KCNN2: variants seen among roughly 807,000 people sequenced by gnomAD.
KCNN2 encodes the protein small conductance calcium-activated potassium channel protein 2.
In KCNN2, 24 loss-of-function variants were observed where a neutral mutation model predicts 55.5. The ratio of observed to expected loss-of-function variants is 0.43; its 90% CI spans 0.31 to 0.61. KCNN2 has a LOEUF of 0.61. Ranked by LOEUF, KCNN2 falls within the 20% of genes least tolerant of loss-of-function variation. The probability of loss-of-function intolerance (pLI) is 0.08; values close to 1 mark genes in which losing one functional copy is unlikely to be tolerated. For synonymous variants in KCNN2, 431 were observed against 336.1 expected (o/e 1.28, Z -3.09); for missense variants, 754 against 853.6 (o/e 0.88, Z 1.45).
chr5:114,440,384 A>G (rs1760162412), intron 3 of KCNN2, among the ~76,000 whole-genome samples: 1 of 152,236 alleles, frequency 6.6e-6, no homozygotes, highest in Non-Finnish European at 1.5e-5. Context: ...AAGTGAGAGT[A>G]TGTACCACCA....
chr5:114,336,076 T>G (rs1296120773), intron 2 of KCNN2, among the ~76,000 whole-genome samples: 1 of 152,160 alleles, frequency 6.6e-6, no homozygotes, highest in Admixed American at 6.5e-5. Flanking sequence ...ATTGATGTGG[T>G]TCAAAGCTAA....
chr5:114,220,488 C>G (rs1167062604), intron 1 of KCNN2, among the ~76,000 whole-genome samples: 1 of 151,640 alleles, frequency 6.6e-6, no homozygotes, highest in Admixed American at 6.6e-5. Flanking sequence ...AGCAGTTTTT[C>G]AAAAACTATT....
chr5:114,119,458 T>C (rs925900788), intron 1 of KCNN2, among the ~76,000 whole-genome samples: 3 of 152,310 alleles, frequency 2.0e-5, no homozygotes, highest in Admixed American at 6.5e-5. Context: ...TGCACACCAG[T>C]TTTCTAATCT....
intron 1 of KCNN2, among the ~76,000 whole-genome samples, chr5:114,211,368 C>G (rs181427151): frequency 6.6e-6 from 1 of 152,154 alleles, no homozygotes; most frequent in African/African-American, 2.4e-5. Context: ...CACCATGAAA[C>G]GCTATGCAGC....
chr5:114,208,768 T>A (rs1468898444), intron 1 of KCNN2, among the ~76,000 whole-genome samples: 2 of 152,198 alleles, frequency 1.3e-5, no homozygotes, highest in African/African-American at 4.8e-5. Context: ...GGCACCTGAC[T>A]CAGAGTCAAT....
Position 114,407,766 on chromosome 5 carries a change from C to G in KCNN2, c.1637+2910C>G, listed in dbSNP as rs193181676. On this transcript the variant is annotated intron_variant, in intron 3 of 7. Coordinates refer to ENST00000673685, the MANE Select transcript of KCNN2 (RefSeq NM_021614.4). ...TGACAGCGTCTTGGGAATTGAAACA[C>G]AGGGCAAAGAAGAGGTCTCAACAGT... Among the ~76,000 whole-genome samples, 482 of 152,314 alleles carry G rather than the reference C, an allele frequency of 3.2e-3. 2 individuals are homozygous for G. Among genetic ancestry groups the G allele is most frequent in the African/African-American group, 0.01 (430 of 41,558 alleles).
chr5:114,339,375 A>G (rs1756977475), intron 2 of KCNN2, among the ~76,000 whole-genome samples: 1 of 152,232 alleles, frequency 6.6e-6, no homozygotes, highest in African/African-American at 2.4e-5. Flanking sequence ...GCAAACTGGT[A>G]TTATTAGATG....
intron 3 of KCNN2, among the ~76,000 whole-genome samples, chr5:114,421,506 G>A (rs1356219652): frequency 6.6e-6 from 1 of 151,618 alleles, no homozygotes; most frequent in Non-Finnish European, 1.5e-5. Context: ...GGCCACGCTG[G>A]TCTCGAACTC....
At chr5:114,461,012 A>G (rs992598025) in intron 3 of KCNN2, among the ~76,000 whole-genome samples, 5 of 152,180 alleles carry the variant, frequency 3.3e-5, no homozygotes, top group Non-Finnish European at 7.3e-5. Context: ...TACTTACTAG[A>G]GAGCCCCAAT....
chr5:114,426,018 A>C (rs1580819941), intron 3 of KCNN2, among the ~76,000 whole-genome samples: 1 of 106,394 alleles, frequency 9.4e-6, no homozygotes, highest in African/African-American at 4.0e-5. Flanking sequence ...CATCTCTACC[A>C]AAAAAAAAAA....
intron 1 of KCNN2, among the ~76,000 whole-genome samples, chr5:114,175,561 A>T (rs981329494): frequency 1.3e-5 from 2 of 152,140 alleles, no homozygotes; most frequent in Admixed American, 1.3e-4. Context: ...TATGCTGAAG[A>T]TCCTGAAAAA....
At chr5:114,156,355 G>T (rs1320842011) in intron 1 of KCNN2, among the ~76,000 whole-genome samples, 1 of 152,112 alleles carries the variant, frequency 6.6e-6, no homozygotes. Flanking sequence ...GCCTTGCCTT[G>T]ACTATATGGG....
intron 1 of KCNN2, among the ~76,000 whole-genome samples, chr5:114,174,532 G>C (rs1423236758): frequency 6.6e-6 from 1 of 152,072 alleles, no homozygotes; most frequent in Non-Finnish European, 1.5e-5. Flanking sequence ...TGCCTGAAAT[G>C]GAAGATCCTC....
intron 1 of KCNN2, among the ~76,000 whole-genome samples, chr5:114,216,665 A>C (rs4612057): frequency 0.98 from 148,400 of 152,154 alleles, 72,509 homozygotes; most frequent in Middle Eastern, 1. Flanking sequence ...ACGAAAACCC[A>C]CCAGCTACCA....
intron 6 of KCNN2, among the ~76,000 whole-genome samples, chr5:114,488,683 G>A (rs1747697909): frequency 6.6e-6 from 1 of 151,972 alleles, no homozygotes; most frequent in African/African-American, 2.4e-5. Context: ...ATTTTCCTGT[G>A]GAACAGGCAT....
intron 1 of KCNN2, among the ~76,000 whole-genome samples, chr5:114,097,610 A>G (rs1360821973): frequency 6.6e-6 from 1 of 152,218 alleles, no homozygotes; most frequent in Non-Finnish European, 1.5e-5. Flanking sequence ...GTAGCAGACA[A>G]TTAAACATGA....
At chr5:114,247,649 G>A (rs578200586) in intron 2 of KCNN2, among the ~76,000 whole-genome samples, 1 of 152,276 alleles carries the variant, frequency 6.6e-6, no homozygotes, top group African/African-American at 2.4e-5. Flanking sequence ...AACTTGCTAA[G>A]AGCATGCTCA....
In KCNN2 at chr5:114,106,417, T is replaced by A. The variant is rs566457544; in HGVS notation, c.-271+49917T>A. Among the ~76,000 whole-genome samples, 5 of 152,044 alleles carry A rather than the reference T, an allele frequency of 3.3e-5. No homozygotes were observed. In the East Asian group the frequency reaches 9.7e-4, roughly 29 times the overall value. ...TATGCATATACAGATCTAGTATATA[T>A]TGCGAAGGGTTTTCCAAAGTGGTTA... is the stretch of plus-strand genomic sequence containing the variant. On this transcript the variant is annotated intron_variant, in intron 1 of 10. Coordinates refer to the KCNN2 transcript ENST00000512097.
chr5:114,097,965 G>A (rs1037252081), intron 1 of KCNN2, among the ~76,000 whole-genome samples: 2 of 152,136 alleles, frequency 1.3e-5, no homozygotes, highest in African/African-American at 4.8e-5. Context: ...TACAGTTCTG[G>A]AAGTCAAAAG....
Sources: gnomAD v4.1 joint callset for allele counts (sites outside exome capture counted in the v4.1 genomes callset) on GRCh38, gnomAD v4.1.1 for gene constraint, MANE v1.5 for transcripts, NCBI Gene and HGNC (gene_info 2026-07-23, HGNC 2026-07-21) for gene names.